The following FAM13C variants were observed in gnomAD, a reference collection of about 807,000 sequenced individuals.
The protein encoded by FAM13C is family with sequence similarity 13 member C.
Under a neutral mutation model 73.2 loss-of-function variants are expected in FAM13C, and 37 were observed. The observed-to-expected ratio is 0.51, with a 90% CI of 0.39 to 0.67. The LOEUF is 0.67. FAM13C is among the 30% of genes least tolerant of loss of function. The probability of loss-of-function intolerance (pLI) is 0.00; values close to 1 mark genes in which losing one functional copy is unlikely to be tolerated. For missense variants in FAM13C, 589 were observed against 715.6 expected (o/e 0.82, Z 2.02); for synonymous variants, 246 against 260.9 (o/e 0.94, Z 0.55).
At chr10:59,252,207 C>T (rs1841451083) in intron 12 of FAM13C, among the ~76,000 whole-genome samples, 1 of 152,128 alleles carries the variant, frequency 6.6e-6, no homozygotes, top group South Asian at 2.1e-4. Context: ...AAGTCATATA[C>T]TCTAGAGCAG....
intron 10 of FAM13C, among the ~76,000 whole-genome samples, chr10:59,256,064 GTTTAAATAACCTCAAGATC>G (rs2133402126): frequency 6.6e-6 from 1 of 152,080 alleles, no homozygotes; most frequent in Non-Finnish European, 1.5e-5. Context: ...GTTAAGTATT[GTTTAAATAACCTCAAGATC>G]TTTTCATTTT....
At chr10:59,291,319 G>C (rs1391230334) in intron 5 of FAM13C, among the ~76,000 whole-genome samples, 1 of 152,160 alleles carries the variant, frequency 6.6e-6, no homozygotes, top group Non-Finnish European at 1.5e-5. Flanking sequence ...ACCATTACAA[G>C]AAAAAGCCAA....
intron 6 of FAM13C, among the ~76,000 whole-genome samples, chr10:59,280,561 T>G (rs1471977804): frequency 6.6e-6 from 1 of 152,230 alleles, no homozygotes; most frequent in Admixed American, 6.5e-5. Flanking sequence ...TGTGGTTCTA[T>G]TATTCAGGAG....
chr10:59,314,289 C>G (rs560738262), intron 4 of FAM13C, among the ~76,000 whole-genome samples: 1 of 152,286 alleles, frequency 6.6e-6, no homozygotes, highest in South Asian at 2.1e-4. Flanking sequence ...CATTAATCTT[C>G]CGAGCCCCTG....
intron 5 of FAM13C, among the ~76,000 whole-genome samples, chr10:59,299,471 G>A (rs1005636258): frequency 6.7e-6 from 1 of 149,258 alleles, no homozygotes; most frequent in Non-Finnish European, 1.5e-5. Flanking sequence ...TTCATATATA[G>A]TCTGGGAGTT....
At chr10:59,283,334 T>C in intron 6 of FAM13C, 29 bp downstream of exon 6, 1 of 1,611,134 alleles carries the variant, frequency 6.2e-7, no homozygotes, top group South Asian at 1.1e-5. Context: ...AGAGTACAAT[T>C]TGGGACAACC....
At chr10:59,340,533 C>T (rs1168418932) in intron 3 of FAM13C, among the ~76,000 whole-genome samples, 1 of 152,116 alleles carries the variant, frequency 6.6e-6, no homozygotes, top group Non-Finnish European at 1.5e-5. Context: ...GACCCTTGTT[C>T]CTTCGGACTC....
chr10:59,349,618 C>T (rs1377706450), intron 3 of FAM13C, among the ~76,000 whole-genome samples: 1 of 148,152 alleles, frequency 6.7e-6, no homozygotes, highest in African/African-American at 2.5e-5. Flanking sequence ...AAAAAATTAG[C>T]AGGGCGTGGT....
At chr10:59,253,027 A>G in intron 11 of FAM13C, 29 bp from the exon 12 acceptor site, 1 of 1,609,678 alleles carries the variant, frequency 6.2e-7, no homozygotes, top group Non-Finnish European at 8.5e-7. Context: ...AAAGAAAGAA[A>G]GTCATGTAAT....
intron 6 of FAM13C, among the ~76,000 whole-genome samples, chr10:59,279,383 G>A (rs775607284): frequency 2.0e-5 from 3 of 152,154 alleles, no homozygotes; most frequent in Non-Finnish European, 4.4e-5. Flanking sequence ...GCAGAATTCT[G>A]CATGAGAATA....
intron 1 of FAM13C, among the ~76,000 whole-genome samples, chr10:59,356,442 A>G (rs530383818): frequency 1.9e-4 from 29 of 152,280 alleles, no homozygotes; most frequent in African/African-American, 7.0e-4. Context: ...TTTATGAAAA[A>G]TTCTTGTCTC....
chr10:59,358,155 G>A (rs544417899), intron 1 of FAM13C, among the ~76,000 whole-genome samples: 1 of 152,312 alleles, frequency 6.6e-6, no homozygotes, highest in South Asian at 2.1e-4. Context: ...GGAGGCCAAG[G>A]TGGGCCTGAG....
At chr10:59,282,877 G>A (rs187742867) in intron 6 of FAM13C, 2 of 154,934 alleles carry the variant, frequency 1.3e-5, no homozygotes, top group Admixed American at 1.3e-4. Flanking sequence ...GGATCAGAAT[G>A]AGCTGTCAGT....
intron 3 of FAM13C, among the ~76,000 whole-genome samples, chr10:59,328,478 G>A (rs1235372818): frequency 2.6e-5 from 4 of 151,354 alleles, no homozygotes; most frequent in Non-Finnish European, 4.4e-5. Flanking sequence ...CAAATCCATG[G>A]CCATCAAGAA....
At chr10:59,258,050 T>G (rs1842115068) in intron 10 of FAM13C, among the ~76,000 whole-genome samples, 1 of 152,322 alleles carries the variant, frequency 6.6e-6, no homozygotes. Context: ...CACAGTGCTA[T>G]TGAATAATAA....
At chr10:59,249,793 C>T (rs1361156862) in intron 13 of FAM13C, among the ~76,000 whole-genome samples, 3 of 152,110 alleles carry the variant, frequency 2.0e-5, no homozygotes, top group African/African-American at 7.2e-5. Flanking sequence ...CACAAGGGGG[C>T]ATAAAACTTC....
intron 3 of FAM13C, among the ~76,000 whole-genome samples, chr10:59,331,830 A>G (rs1852032420): frequency 6.6e-6 from 1 of 152,160 alleles, no homozygotes; most frequent in South Asian, 2.1e-4. Context: ...AAAAAGAAGG[A>G]CAGATGGTGA....
intron 5 of FAM13C, among the ~76,000 whole-genome samples, chr10:59,300,026 G>A (rs771684010): frequency 2.0e-5 from 3 of 152,136 alleles, no homozygotes; most frequent in Admixed American, 6.5e-5. Context: ...CATGCCAAGT[G>A]GAAACAAGAA....
chr10:59,355,348 G>A (rs753169587), intron 2 of FAM13C, among the ~76,000 whole-genome samples: 1 of 152,168 alleles, frequency 6.6e-6, no homozygotes, highest in Non-Finnish European at 1.5e-5. Context: ...CTGCCTCATA[G>A]TGCTACGTTA....
Sources: gnomAD v4.1 joint callset for allele counts (sites outside exome capture counted in the v4.1 genomes callset) on GRCh38, gnomAD v4.1.1 for gene constraint, MANE v1.5 for transcripts, NCBI Gene and HGNC (gene_info 2026-07-23, HGNC 2026-07-21) for gene names.